Variants in CCDC175 observed in about 807,000 individuals in gnomAD.
The protein encoded by CCDC175 is coiled-coil domain containing 175, also known as coiled-coil domain-containing protein 175.
CCDC175 carries 100 observed loss-of-function variants against 114.6 expected under a neutral mutation model. The observed-to-expected ratio is 0.87, with a 90% confidence interval of 0.74 to 1.03. The LOEUF (loss-of-function observed/expected upper bound fraction) is 1.03. Ranked by LOEUF, CCDC175 falls within the 50% of genes least tolerant of loss-of-function variation. The probability of loss-of-function intolerance (pLI) is 0.00; values close to 1 mark genes in which losing one functional copy is unlikely to be tolerated. For synonymous variants in CCDC175, 306 were observed against 308.7 expected (o/e 0.99, Z 0.09); for missense variants, 880 against 917.8 (o/e 0.96, Z 0.53).
At chr14:59,532,650 T>C (rs906495421) in intron 13 of CCDC175, among the ~76,000 whole-genome samples, 4 of 152,306 alleles carry the variant, frequency 2.6e-5, no homozygotes, top group Admixed American at 2.0e-4. Context: ...ACTTCTGGGC[T>C]CTGCTCCTGC....
At chr14:59,514,201 C>T (rs1011371248) in intron 17 of CCDC175, among the ~76,000 whole-genome samples, 10 of 152,152 alleles carry the variant, frequency 6.6e-5, no homozygotes, top group Non-Finnish European at 1.0e-4. Flanking sequence ...GTAGATAAAA[C>T]CACAAAGATG....
chr14:59,559,723 G>C (rs1212319621), intron 7 of CCDC175, among the ~76,000 whole-genome samples: 1 of 152,028 alleles, frequency 6.6e-6, no homozygotes, highest in Admixed American at 6.6e-5. Flanking sequence ...TAATTTTCCA[G>C]GTAATAAAGA....
At chr14:59,555,598 T>C (rs1595059264) in intron 7 of CCDC175, among the ~76,000 whole-genome samples, 2 of 152,270 alleles carry the variant, frequency 1.3e-5, no homozygotes, top group African/African-American at 4.8e-5. Flanking sequence ...CAACATAGTG[T>C]TGGAAGTTCT....
At chr14:59,556,493 A>G (rs71503823) in intron 7 of CCDC175, among the ~76,000 whole-genome samples, 2,471 of 152,346 alleles carry the variant, frequency 0.016, 63 homozygotes, top group African/African-American at 0.056. Flanking sequence ...TCTTAGACCT[A>G]AAACCATAGA....
At chr14:59,508,557 C>T (rs1451559568) in intron 19 of CCDC175, among the ~76,000 whole-genome samples, 2 of 103,300 alleles carry the variant, frequency 1.9e-5, no homozygotes, top group African/African-American at 7.6e-5. Flanking sequence ...GGGTGAGAGG[C>T]CCTGTCTCAA....
chr14:59,545,832 C>A (rs1189415596), intron 8 of CCDC175, among the ~76,000 whole-genome samples: 1 of 152,126 alleles, frequency 6.6e-6, no homozygotes, highest in Non-Finnish European at 1.5e-5. Flanking sequence ...TTCAAAACAA[C>A]CTTCTATCTG....
Position 59,561,165 on chromosome 14 carries a change from C to G in CCDC175, c.907G>C (p.Glu303Gln), listed in dbSNP as rs1175349243. 1.3e-6 allele frequency: 2 copies of G among 1,535,818 alleles called. No individual in the cohort carries two copies. Among genetic ancestry groups the G allele is most frequent in the Non-Finnish European group, 1.7e-6 (2 of 1,145,810 alleles). The change falls in exon 7 of 20, where the codon GAG becomes CAG. Residue 303 changes from glutamate to glutamine, a missense_variant. By Grantham distance (29) the Glu-to-Gln change is conservative. Transcript: ENST00000537690. Reference sequence around the variant, plus strand: ...AGGTCTTTCTTTAGCTCACTGACCTCTTGTTCCCAATACCTTATTGATTCG... The same window carrying G: ...AGGTCTTTCTTTAGCTCACTGACCTGTTGTTCCCAATACCTTATTGATTCG... Reference protein sequence around the residue: ...LHESIRYWEQEVSELKKDLAI... With the variant: ...LHESIRYWEQQVSELKKDLAI...
At chr14:59,553,306 T>C (rs1304029851) in intron 7 of CCDC175, among the ~76,000 whole-genome samples, 1 of 152,198 alleles carries the variant, frequency 6.6e-6, no homozygotes, top group Non-Finnish European at 1.5e-5. Context: ...TGGGGACCAA[T>C]ATTCAACATT....
At chr14:59,569,861 A>C (rs1026682270) in intron 3 of CCDC175, among the ~76,000 whole-genome samples, 1 of 152,214 alleles carries the variant, frequency 6.6e-6, no homozygotes, top group Admixed American at 6.5e-5. Context: ...AGTGAAGAGA[A>C]CTTGAAAGCA....
At chr14:59,527,999 A>C (rs1893849970) in intron 14 of CCDC175, among the ~76,000 whole-genome samples, 1 of 151,946 alleles carries the variant, frequency 6.6e-6, no homozygotes, top group South Asian at 2.1e-4. Flanking sequence ...CTTTTTCTTG[A>C]TTCATTTATT....
At chr14:59,559,530 GA>G (rs1896111877) in intron 7 of CCDC175, among the ~76,000 whole-genome samples, 1 of 152,138 alleles carries the variant, frequency 6.6e-6, no homozygotes, top group African/African-American at 2.4e-5. Flanking sequence ...AAGGGTTAAG[GA>G]TTGATAGGAA....
chr14:59,505,799 G>A (rs1451887793), intron 19 of CCDC175, among the ~76,000 whole-genome samples: 2 of 152,118 alleles, frequency 1.3e-5, no homozygotes, highest in African/African-American at 4.8e-5. Flanking sequence ...TATCACTACA[G>A]TGTATGGTAC....
intron 6 of CCDC175, among the ~76,000 whole-genome samples, chr14:59,562,196 T>C (rs543771486): frequency 1.3e-4 from 20 of 152,316 alleles, no homozygotes; most frequent in African/African-American, 4.8e-4. Flanking sequence ...CTGACATCTG[T>C]TATCTTTAGT....
intron 3 of CCDC175, among the ~76,000 whole-genome samples, chr14:59,570,071 C>A (rs1365189130): frequency 1.3e-5 from 2 of 152,036 alleles, no homozygotes; most frequent in Non-Finnish European, 2.9e-5. Context: ...GGTACCTGCC[C>A]ACAGAGAGGT....
intron 15 of CCDC175, among the ~76,000 whole-genome samples, chr14:59,526,292 T>C (rs1024961549): frequency 6.6e-6 from 1 of 152,286 alleles, no homozygotes; most frequent in Non-Finnish European, 1.5e-5. Flanking sequence ...TATTCCTTCA[T>C]ATTTTATAAC....
At chr14:59,512,183 A>C (rs2349454) in intron 17 of CCDC175, among the ~76,000 whole-genome samples, 65,836 of 152,078 alleles carry the variant, frequency 0.43, 14,817 homozygotes, top group African/African-American at 0.54. Context: ...CCAGCAATAG[A>C]CAAGAACAAT....
intron 10 of CCDC175, among the ~76,000 whole-genome samples, chr14:59,541,452 C>A (rs1894781924): frequency 6.6e-6 from 1 of 152,128 alleles, no homozygotes; most frequent in Admixed American, 6.5e-5. Context: ...TTGAAAGCCA[C>A]ATAAGTAAAA....
Position 59,510,811 on chromosome 14 carries a change from A to G in CCDC175, c.2143-3T>C. Reference sequence around the variant, plus strand: ...TCTTCACCATTGTCCACCAAGATCTAAAGAAATGGCATTTTAGGCTGTGTC... The same window carrying G: ...TCTTCACCATTGTCCACCAAGATCTGAAGAAATGGCATTTTAGGCTGTGTC... On this transcript the variant is annotated splice_region_variant and splice_polypyrimidine_tract_variant and intron_variant, in intron 18 of 19. Transcript: ENST00000537690. 6.5e-7 allele frequency: 1 copy of G among 1,534,918 alleles called. No individual in the cohort carries two copies.
chr14:59,573,625 T>C (rs1255019417), intron 2 of CCDC175, among the ~76,000 whole-genome samples: 2 of 151,278 alleles, frequency 1.3e-5, no homozygotes, highest in African/African-American at 4.8e-5. Flanking sequence ...TTTGTTTTTT[T>C]TTTTTTTGAG....
Sources: allele counts gnomAD v4.1 joint callset (sites outside exome capture counted in the v4.1 genomes callset), GRCh38; gene constraint gnomAD v4.1.1; transcripts MANE v1.5; gene names NCBI Gene and HGNC (gene_info 2026-07-23, HGNC 2026-07-21).